The following HS6ST3 variants were observed in gnomAD, a reference collection of about 807,000 sequenced individuals.
HS6ST3 encodes the protein heparan sulfate 6-O-sulfotransferase 3, also known as heparan-sulfate 6-O-sulfotransferase 3.
In HS6ST3, 12 loss-of-function variants were observed where a neutral mutation model predicts 36.7. That is an observed-to-expected ratio of 0.33 (90% confidence interval 0.21 to 0.53). The LOEUF is 0.53. Among genes scored for constraint, HS6ST3 ranks in the 20% least tolerant of loss-of-function variants. The pLI, the probability that HS6ST3 is intolerant of heterozygous loss-of-function variation, is 0.95. For synonymous variants in HS6ST3, 240 were observed against 257.5 expected, an observed-to-expected ratio of 0.93 and a Z score of 0.65; for missense variants, 584 against 640.9, an observed-to-expected ratio of 0.91 and a Z score of 0.96.
chr13:96,091,641 C>A, intron 1 of HS6ST3, 72 bp downstream of exon 1: 1 of 1,460,930 alleles, frequency 6.8e-7, no homozygotes, highest in South Asian at 1.4e-5. Flanking sequence ...TGACCCAGAG[C>A]GACCCCGCGC....
chr13:96,370,769 G>A (rs532022555), intron 1 of HS6ST3, among the ~76,000 whole-genome samples: 64 of 152,162 alleles, frequency 4.2e-4, no homozygotes, highest in Middle Eastern at 3.4e-3. Context: ...AAAATTAGCC[G>A]GGTGCAGTGG....
intron 1 of HS6ST3, among the ~76,000 whole-genome samples, chr13:96,818,838 T>G (rs1487602652): frequency 1.3e-5 from 2 of 152,076 alleles, no homozygotes; most frequent in African/African-American, 4.8e-5. Context: ...GCAAGTTCCT[T>G]TCAGAATATT....
intron 1 of HS6ST3, among the ~76,000 whole-genome samples, chr13:96,142,957 A>G (rs899277955): frequency 6.6e-6 from 1 of 152,160 alleles, no homozygotes; most frequent in Admixed American, 6.5e-5. Context: ...GCTTAATTGT[A>G]TTTAAAAATA....
At chr13:96,467,891 A>C (rs2139496397) in intron 1 of HS6ST3, among the ~76,000 whole-genome samples, 2 of 152,304 alleles carry the variant, frequency 1.3e-5, no homozygotes, top group South Asian at 4.1e-4. Context: ...CACGTGTGGC[A>C]TTCAACTTCA....
chr13:96,535,980 G>A (rs2056153684), intron 1 of HS6ST3, among the ~76,000 whole-genome samples: 1 of 152,192 alleles, frequency 6.6e-6, no homozygotes. Flanking sequence ...CTGTGCACAT[G>A]GAGTTATATT....
intron 1 of HS6ST3, among the ~76,000 whole-genome samples, chr13:96,160,848 A>G (rs1441105448): frequency 6.6e-6 from 1 of 152,216 alleles, no homozygotes; most frequent in Non-Finnish European, 1.5e-5. Context: ...CAGGCATGCA[A>G]TAGAACCCAC....
chr13:96,444,451 TTTAC>T (rs1177759607), intron 1 of HS6ST3, among the ~76,000 whole-genome samples: 3 of 152,228 alleles, frequency 2.0e-5, no homozygotes, highest in Admixed American at 1.3e-4. Flanking sequence ...TTAATTAACA[TTTAC>T]TTAAACAGTG....
chr13:96,417,120 T>C (rs1210844739), intron 1 of HS6ST3, among the ~76,000 whole-genome samples: 1 of 152,184 alleles, frequency 6.6e-6, no homozygotes, highest in East Asian at 1.9e-4. Context: ...GAAGAATTAT[T>C]ATCAGATAAG....
At chr13:96,468,974 GA>G (rs985238970) in intron 1 of HS6ST3, among the ~76,000 whole-genome samples, 1 of 151,878 alleles carries the variant, frequency 6.6e-6, no homozygotes, top group Non-Finnish European at 1.5e-5. Flanking sequence ...TTTTTCTAAA[GA>G]AAAAAATATT....
At chr13:96,623,474 C>T (rs998045102) in intron 1 of HS6ST3, among the ~76,000 whole-genome samples, 6 of 151,926 alleles carry the variant, frequency 3.9e-5, no homozygotes, top group Admixed American at 6.6e-5. Flanking sequence ...CTGTCTCTCT[C>T]GGTGTCACAG....
chr13:96,706,584 G>A, intron 1 of HS6ST3, among the ~76,000 whole-genome samples: 1 of 151,556 alleles, frequency 6.6e-6, no homozygotes, highest in East Asian at 1.9e-4. Context: ...TTAATTGCAG[G>A]GCTTTTGTTT....
intron 1 of HS6ST3, among the ~76,000 whole-genome samples, chr13:96,417,113 G>T (rs1239753160): frequency 6.6e-6 from 1 of 152,174 alleles, no homozygotes; most frequent in Non-Finnish European, 1.5e-5. Context: ...GACATTGGAA[G>T]AATTATTATC....
At chr13:96,653,856 C>A (rs2056615606) in intron 1 of HS6ST3, among the ~76,000 whole-genome samples, 2 of 152,184 alleles carry the variant, frequency 1.3e-5, no homozygotes, top group South Asian at 4.1e-4. Context: ...TTCTCCAATC[C>A]TCTCAAGCAT....
At chr13:96,099,399 G>C (rs999231109) in intron 1 of HS6ST3, among the ~76,000 whole-genome samples, 1 of 152,212 alleles carries the variant, frequency 6.6e-6, no homozygotes, top group Non-Finnish European at 1.5e-5. Flanking sequence ...TAATTCTTAG[G>C]ATGCTGTGGA....
At chr13:96,154,566 T>C (rs1328496250) in intron 1 of HS6ST3, among the ~76,000 whole-genome samples, 3 of 152,130 alleles carry the variant, frequency 2.0e-5, no homozygotes, top group Non-Finnish European at 4.4e-5. Flanking sequence ...TATTAAATAA[T>C]TTTATGAGTA....
chr13:96,542,208 G>A (rs1444933480), intron 1 of HS6ST3, among the ~76,000 whole-genome samples: 1 of 152,142 alleles, frequency 6.6e-6, no homozygotes, highest in African/African-American at 2.4e-5. Flanking sequence ...TGTATTTGTA[G>A]CATTACTGGA....
At chr13:96,264,046 T>A (rs1001436861) in intron 1 of HS6ST3, among the ~76,000 whole-genome samples, 17 of 152,302 alleles carry the variant, frequency 1.1e-4, no homozygotes, top group Admixed American at 8.5e-4. Flanking sequence ...ACCTCTATAC[T>A]CCTTCCCACT....
intron 1 of HS6ST3, among the ~76,000 whole-genome samples, chr13:96,267,829 C>T (rs918478784): frequency 9.2e-5 from 14 of 151,792 alleles, no homozygotes; most frequent in East Asian, 1.9e-4. Context: ...TTATGTTGCT[C>T]CTGCTGGGAG....
chr13:96,355,066 G>C (rs539539181), intron 1 of HS6ST3, among the ~76,000 whole-genome samples: 15 of 152,104 alleles, frequency 9.9e-5, no homozygotes, highest in African/African-American at 3.6e-4. Flanking sequence ...AGATATAAAT[G>C]GTCAAATTTA....
Sources: gnomAD v4.1 joint callset for allele counts (sites outside exome capture counted in the v4.1 genomes callset) on GRCh38, gnomAD v4.1.1 for gene constraint, MANE v1.5 for transcripts, NCBI Gene and HGNC (gene_info 2026-07-23, HGNC 2026-07-21) for gene names.